Variants in COX7B2 observed in about 807,000 individuals in gnomAD.
COX7B2 encodes cytochrome c oxidase subunit 7B2, mitochondrial.
For synonymous variants in COX7B2, 37 were observed against 32.1 expected, an observed-to-expected ratio of 1.15 and a Z score of -0.51; for missense variants, 109 against 95.9, an observed-to-expected ratio of 1.14 and a Z score of -0.57.
At chr4:46,736,248 G>A (rs572485896) in intron 2 of COX7B2, among the ~76,000 whole-genome samples, 2 of 152,210 alleles carry the variant, frequency 1.3e-5, no homozygotes. Context: ...GAGACACCAA[G>A]TATTGCCAAG....
intron 1 of COX7B2, among the ~76,000 whole-genome samples, chr4:46,899,485 T>A (rs1172809968): frequency 6.6e-6 from 1 of 152,134 alleles, no homozygotes; most frequent in Non-Finnish European, 1.5e-5. Context: ...AAAATCTAAA[T>A]GCACTTCAAG....
intron 2 of COX7B2, among the ~76,000 whole-genome samples, chr4:46,740,122 G>T (rs1396265336): frequency 6.6e-6 from 1 of 151,912 alleles, no homozygotes; most frequent in Non-Finnish European, 1.5e-5. Context: ...AGCTGCAAAG[G>T]TATATAGCAA....
intron 1 of COX7B2, among the ~76,000 whole-genome samples, chr4:46,852,294 C>T (rs1405084380): frequency 6.6e-6 from 1 of 152,016 alleles, no homozygotes; most frequent in African/African-American, 2.4e-5. Context: ...AGATTGTCTC[C>T]TATGCTCTTG....
At chr4:46,832,242 T>G (rs904501060) in intron 2 of COX7B2, among the ~76,000 whole-genome samples, 2 of 152,132 alleles carry the variant, frequency 1.3e-5, no homozygotes, top group Non-Finnish European at 2.9e-5. Context: ...GTCTGCAGCT[T>G]CACTCCTGAG....
chr4:46,738,616 C>G (rs1423077524), intron 2 of COX7B2, among the ~76,000 whole-genome samples: 2 of 152,018 alleles, frequency 1.3e-5, no homozygotes, highest in African/African-American at 2.4e-5. Context: ...ATATTACATA[C>G]CTCTACAATA....
At chr4:46,869,255 A>G (rs1248702680) in intron 1 of COX7B2, among the ~76,000 whole-genome samples, 4 of 152,106 alleles carry the variant, frequency 2.6e-5, no homozygotes, top group Non-Finnish European at 5.9e-5. Context: ...TTTTGAGCCT[A>G]TGAGTGTCAC....
intron 2 of COX7B2, among the ~76,000 whole-genome samples, chr4:46,795,749 A>G (rs1217544281): frequency 1.7e-4 from 3 of 17,194 alleles, no homozygotes; most frequent in Admixed American, 1.6e-3. Context: ...AGTCATTGGT[A>G]GCTTGATGGG....
chr4:46,773,258 A>G (rs6823219), intron 2 of COX7B2, among the ~76,000 whole-genome samples: 49,377 of 151,986 alleles, frequency 0.32, 8,326 homozygotes, highest in South Asian at 0.47. Context: ...TGTCATGGGA[A>G]GGACCTGATG....
At chr4:46,887,710 CAA>C (rs564556459) in intron 1 of COX7B2, among the ~76,000 whole-genome samples, 216 of 41,608 alleles carry the variant, frequency 5.2e-3, no homozygotes, top group African/African-American at 0.016. Context: ...GACTCCTTCT[CAA>C]AAAAAAAAAA....
At chr4:46,790,259 T>C (rs1175791954) in intron 2 of COX7B2, among the ~76,000 whole-genome samples, 1 of 152,212 alleles carries the variant, frequency 6.6e-6, no homozygotes, top group Non-Finnish European at 1.5e-5. Flanking sequence ...TAACCTAAGG[T>C]TGGTTCTGCA....
chr4:46,866,572 C>T (rs1041835423), intron 1 of COX7B2, among the ~76,000 whole-genome samples: 1 of 152,050 alleles, frequency 6.6e-6, no homozygotes, highest in African/African-American at 2.4e-5. Flanking sequence ...CCCAATAATA[C>T]CAAAAATAAA....
intron 2 of COX7B2, among the ~76,000 whole-genome samples, chr4:46,839,505 G>A (rs753737668): frequency 4.3e-4 from 66 of 151,978 alleles, no homozygotes; most frequent in Middle Eastern, 6.8e-3. Context: ...CAGTAAGGCC[G>A]ACACAAGTAG....
At chr4:46,762,263 A>G (rs1716211462) in intron 2 of COX7B2, among the ~76,000 whole-genome samples, 2 of 141,212 alleles carry the variant, frequency 1.4e-5, no homozygotes, top group Non-Finnish European at 1.5e-5. Context: ...AATATATAAT[A>G]TATTTAATAT....
chr4:46,871,220 C>T (rs1283490612), intron 1 of COX7B2, among the ~76,000 whole-genome samples: 2 of 151,996 alleles, frequency 1.3e-5, no homozygotes, highest in East Asian at 1.9e-4. Flanking sequence ...TTTGACAAAC[C>T]TGACAAAAAC....
chr4:46,817,601 A>G (rs1418354499), intron 2 of COX7B2, among the ~76,000 whole-genome samples: 1 of 152,224 alleles, frequency 6.6e-6, no homozygotes, highest in Non-Finnish European at 1.5e-5. Context: ...TACATAATCA[A>G]GTCATAATCC....
intron 2 of COX7B2, among the ~76,000 whole-genome samples, chr4:46,794,380 T>A (rs1368795617): frequency 6.6e-6 from 1 of 152,090 alleles, no homozygotes; most frequent in Admixed American, 6.5e-5. Flanking sequence ...ACACAGTGAG[T>A]AAATTAGATA....
At chr4:46,859,733 A>G (rs1717224205) in intron 1 of COX7B2, among the ~76,000 whole-genome samples, 1 of 152,358 alleles carries the variant, frequency 6.6e-6, no homozygotes, top group African/African-American at 2.4e-5. Context: ...CTTGCTGCTA[A>G]TCAGCATAAG....
chr4:46,851,329 G>C (rs746458109), intron 1 of COX7B2, among the ~76,000 whole-genome samples: 43 of 152,122 alleles, frequency 2.8e-4, no homozygotes, highest in Admixed American at 1.2e-3. Flanking sequence ...TCTTACTCCA[G>C]ATTTAACATA....
rs537226393 is a variant in COX7B2, at chr4:46,832,986, A to G, written c.-50+11974T>C. 5.3e-5 allele frequency among the ~76,000 whole-genome samples: 8 copies of G among 151,320 alleles called. No individual in the cohort carries two copies. The East Asian group carries it at 1.6e-3, about 29-fold the overall frequency. On this transcript the variant is annotated intron_variant, in intron 2 of 2. Transcript: ENST00000355591. ...AAAGGCGTGATCTTGGCTTACCACA[A>G]CCTCCGCCTCCCGGGTTCAAGTGAT... is the stretch of plus-strand genomic sequence containing the variant.
Sources: allele counts gnomAD v4.1 joint callset (sites outside exome capture counted in the v4.1 genomes callset), GRCh38; gene constraint gnomAD v4.1.1; transcripts MANE v1.5; gene names NCBI Gene and HGNC (gene_info 2026-07-23, HGNC 2026-07-21).